OSBPL9: variants seen among roughly 807,000 people sequenced by gnomAD.
OSBPL9 encodes the protein oxysterol binding protein like 9, also known as oxysterol-binding protein-related protein 9.
A neutral mutation model predicts 106.6 loss-of-function variants in OSBPL9; 40 were observed. That is an observed-to-expected ratio of 0.38 (90% confidence interval 0.29 to 0.49). The LOEUF (loss-of-function observed/expected upper bound fraction) is 0.49. Among genes scored for constraint, OSBPL9 ranks in the 20% least tolerant of loss-of-function variants. The probability of loss-of-function intolerance (pLI) is 0.97; values close to 1 mark genes in which losing one functional copy is unlikely to be tolerated. For missense variants in OSBPL9, 609 were observed against 887.2 expected (o/e 0.69, Z 3.98); for synonymous variants, 269 against 295.4 (o/e 0.91, Z 0.92).
At chr1:51,720,393 T>C (rs866976318) in intron 4 of OSBPL9, among the ~76,000 whole-genome samples, 3 of 151,676 alleles carry the variant, frequency 2.0e-5, no homozygotes, top group Middle Eastern at 6.8e-3. Context: ...TGGTGTGATC[T>C]CGGCTTACTG....
intron 3 of OSBPL9, 146 bp downstream of exon 3, chr1:51,669,658 T>G: frequency 1.3e-6 from 1 of 752,450 alleles, no homozygotes; most frequent in South Asian, 1.5e-5. Context: ...GAAGTGGTAC[T>G]GCAGGTTAGG....
chr1:51,531,637 T>C, the OSBPL9 span, among the ~76,000 whole-genome samples: 1 of 152,248 alleles, frequency 6.6e-6, no homozygotes, highest in Admixed American at 6.5e-5. Context: ...GAATTTGGCC[T>C]TTGACTAAAT....
chr1:51,731,754 C>T (rs1267329072), intron 4 of OSBPL9, among the ~76,000 whole-genome samples: 1 of 143,598 alleles, frequency 7.0e-6, no homozygotes, highest in East Asian at 2.0e-4. Context: ...TCCAGCCTGG[C>T]GACAGAGCAA....
At chr1:51,564,573 CT>C in the OSBPL9 span, among the ~76,000 whole-genome samples, 1 of 152,186 alleles carries the variant, frequency 6.6e-6, no homozygotes, top group East Asian at 1.9e-4. Flanking sequence ...TTTGCTCTGC[CT>C]GCCTGGCAGT....
intron 1 of OSBPL9, among the ~76,000 whole-genome samples, chr1:51,647,305 A>G (rs1047727357): frequency 1.3e-5 from 2 of 152,066 alleles, no homozygotes; most frequent in African/African-American, 2.4e-5. Flanking sequence ...TCCTTTTTAT[A>G]TCTTGCTGGA....
chr1:51,664,979 G>A (rs1326629139), intron 2 of OSBPL9, among the ~76,000 whole-genome samples: 2 of 152,154 alleles, frequency 1.3e-5, no homozygotes, highest in Admixed American at 1.3e-4. Context: ...TATTTACTGT[G>A]GTTTAGTGCT....
chr1:51,705,573 A>G (rs182411225), intron 3 of OSBPL9, among the ~76,000 whole-genome samples: 1 of 150,132 alleles, frequency 6.7e-6, no homozygotes. Flanking sequence ...ATGCCACCAC[A>G]CCCAGCTAAT....
At position 51,599,280 on chromosome 1, in the gene OSBPL9, C is replaced by T. The variant is rs74853110; in HGVS notation, c.-353+1087C>T. Among the ~76,000 whole-genome samples the T allele has an allele frequency of 1.7e-4, 26 of 152,250 alleles. 1 individual carries two copies. In the East Asian group the frequency reaches 5.0e-3, roughly 29 times the overall value. ...CACTGTTATGTTCATAATGTGTTAG[C>T]CCTTGTGAGAAATTGTATTATGTTT... is the stretch of plus-strand genomic sequence containing the variant. On this transcript the variant is annotated intron_variant, in intron 2 of 25. Transcript: ENST00000371714.
intron 3 of OSBPL9, among the ~76,000 whole-genome samples, chr1:51,701,562 A>G (rs898166324): frequency 6.6e-6 from 1 of 152,160 alleles, no homozygotes; most frequent in African/African-American, 2.4e-5. Context: ...TATGAAAATC[A>G]AATTTACTAA....
intron 20 of OSBPL9, 141 bp from the exon 21 acceptor site, chr1:51,785,667 G>A (rs1229329517): frequency 1.5e-6 from 1 of 651,626 alleles, no homozygotes; most frequent in Non-Finnish European, 2.7e-6. Context: ...GCCCTGGGGA[G>A]TCCAGTTCTG....
chr1:51,564,280 T>G, the OSBPL9 span, among the ~76,000 whole-genome samples: 1 of 152,050 alleles, frequency 6.6e-6, no homozygotes. Context: ...ACTATCATTT[T>G]GACCTTGAGT....
rs1373656069 is a variant in OSBPL9, at chr1:51,702,420, G to A, written c.242-11583G>A. Among the ~76,000 whole-genome samples, 10 of 152,174 alleles carry A rather than the reference G, an allele frequency of 6.6e-5. No homozygotes were observed. In the East Asian group the frequency reaches 1.2e-3, roughly 18 times the overall value. ...CCAGTGATGATGAGCATTTTTTCAC[G>A]TGTCTGTTGGCTGCATAAATGTCTT... is the stretch of plus-strand genomic sequence containing the variant. On this transcript the variant is annotated intron_variant, in intron 3 of 23. Coordinates refer to ENST00000428468, the MANE Select transcript of OSBPL9 (RefSeq NM_024586.6).
At chr1:51,669,315 T>C in intron 2 of OSBPL9, 119 bp from the exon 3 acceptor site, 1 of 799,022 alleles carries the variant, frequency 1.3e-6, no homozygotes, top group Non-Finnish European at 2.0e-6. Flanking sequence ...GTTTCCTCTT[T>C]TCTGTGTCTA....
chr1:51,681,313 C>T (rs1009999790), intron 3 of OSBPL9, among the ~76,000 whole-genome samples: 2 of 152,116 alleles, frequency 1.3e-5, no homozygotes, highest in Non-Finnish European at 2.9e-5. Context: ...TTACCACATA[C>T]TATAAAGTCC....
chr1:51,766,201 A>G (rs535312929), intron 12 of OSBPL9, among the ~76,000 whole-genome samples: 1 of 152,242 alleles, frequency 6.6e-6, no homozygotes, highest in South Asian at 2.1e-4. Flanking sequence ...GTTCTGTGAG[A>G]GTTTTGATTT....
chr1:51,573,342 C>T (rs151322801), upstream of OSBPL9, among the ~76,000 whole-genome samples: 1 of 150,708 alleles, frequency 6.6e-6, no homozygotes, highest in Non-Finnish European at 1.5e-5. Flanking sequence ...AACTCTGTCT[C>T]TACTAAAAAT....
chr1:51,610,122 A>C (rs1643975976), intron 2 of OSBPL9, among the ~76,000 whole-genome samples: 1 of 152,210 alleles, frequency 6.6e-6, no homozygotes, highest in Non-Finnish European at 1.5e-5. Flanking sequence ...ACGCTGTGAG[A>C]TAATTGCTAC....
chr1:51,552,545 T>G, the OSBPL9 span, among the ~76,000 whole-genome samples: 1 of 152,108 alleles, frequency 6.6e-6, no homozygotes, highest in Non-Finnish European at 1.5e-5. Context: ...ACAAAACAAT[T>G]TTAGATATAA....
At chr1:51,592,304 A>T (rs1287313062) in intron 1 of OSBPL9, among the ~76,000 whole-genome samples, 1 of 151,826 alleles carries the variant, frequency 6.6e-6, no homozygotes, top group Non-Finnish European at 1.5e-5. Context: ...TTTAGTAGAG[A>T]CAGGGTTTCA....
Sources: gnomAD v4.1 joint callset for allele counts (sites outside exome capture counted in the v4.1 genomes callset) on GRCh38, gnomAD v4.1.1 for gene constraint, MANE v1.5 for transcripts, NCBI Gene and HGNC (gene_info 2026-07-23, HGNC 2026-07-21) for gene names.